TFPT: variants seen among roughly 807,000 people sequenced by gnomAD.
TFPT encodes the protein INO80 complex subunit F.
In TFPT, 27 loss-of-function variants were observed where a neutral mutation model predicts 28.8. The ratio of observed to expected loss-of-function variants is 0.94; its 90% CI spans 0.69 to 1.29. TFPT has a LOEUF of 1.29. Among genes scored for constraint, TFPT ranks in the 50% most tolerant of loss-of-function variants. TFPT has a pLI of 0.00. For missense variants in TFPT, 330 were observed against 338.0 expected, an observed-to-expected ratio of 0.98 and a Z score of 0.19; for synonymous variants, 152 against 142.8, an observed-to-expected ratio of 1.06 and a Z score of -0.46.
chr19:54,107,988 A>C lies in TFPT; in HGVS notation c.642+38T>G, dbSNP rs1335824860. ...TTACCTGCACTGGCGCCGGCTCTGG[A>C]GCCCCAGTCCCTCCCCTTGAGTTCC... On this transcript the variant is annotated intron_variant, in intron 5 of 5. Coordinates refer to ENST00000391759, the MANE Select transcript of TFPT (RefSeq NM_013342.4). 5 of 1,500,816 alleles carry C rather than the reference A, an allele frequency of 3.3e-6. No homozygotes were observed. The South Asian group carries it at 6.8e-5, about 21-fold the overall frequency. 93.0% of individuals were successfully genotyped at this position (1,500,816 alleles called of 1,614,324 possible). A position where few individuals can be genotyped will look rare whatever the true frequency, so the allele number is the denominator to read the frequency against.
chr19:54,114,342 A>G (rs1402638875), intron 2 of TFPT, 100 bp downstream of exon 2: 18 of 1,503,738 alleles, frequency 1.2e-5, no homozygotes, highest in Non-Finnish European at 1.3e-5. Flanking sequence ...TGAATATATC[A>G]GCAAGCCAAG....
At chr19:54,109,286 A>G (rs978041927) in intron 3 of TFPT, 16 of 152,666 alleles carry the variant, frequency 1.0e-4, no homozygotes, top group Non-Finnish European at 2.2e-4. Flanking sequence ...TGGGAGCCGC[A>G]GGTTTCAGCT....
intron 2 of TFPT, among the ~76,000 whole-genome samples, chr19:54,111,249 A>G (rs2073443792): frequency 6.6e-6 from 1 of 152,036 alleles, no homozygotes; most frequent in South Asian, 2.1e-4. Context: ...GGTCAGAAAG[A>G]CCTGAGTTCC....
chr19:54,108,267 AG>A, intron 4 of TFPT, 23 bp from the exon 5 acceptor site: 1 of 1,575,502 alleles, frequency 6.3e-7, no homozygotes, highest in Non-Finnish European at 8.6e-7. Context: ...AGGGGGAGGT[AG>A]GTGATGGGTG....
intron 2 of TFPT, among the ~76,000 whole-genome samples, chr19:54,114,080 G>T (rs2073537370): frequency 6.6e-6 from 1 of 152,194 alleles, no homozygotes; most frequent in African/African-American, 2.4e-5. Context: ...GAGGAGAGGA[G>T]AAGGGTCCAG....
chr19:54,111,497 T>TA (rs11304668), intron 2 of TFPT, among the ~76,000 whole-genome samples: 3,253 of 111,012 alleles, frequency 0.029, 133 homozygotes, highest in African/African-American at 0.091. Flanking sequence ...TCATCTCTAC[T>TA]AAAAAAAAAA....
intron 3 of TFPT, among the ~76,000 whole-genome samples, 180 bp downstream of exon 3, chr19:54,109,871 C>CCT (rs2073399280): frequency 5.3e-5 from 8 of 152,108 alleles, no homozygotes; most frequent in Admixed American, 6.6e-5. Flanking sequence ...GTGCTCAGCC[C>CCT]TCTCCTCCAA....
rs139440012 is a variant in TFPT, at chr19:54,113,093, C to CAAA, written c.282+1346_282+1348dup. On this transcript the variant is annotated intron_variant, in intron 2 of 5. Transcript: ENST00000391759. ...GGGAGACAAGAGCGAGACTCCACCTCAAAAAAAAAAAAAAAAAAAAAAAAA... is the reference window on the plus strand; with the variant it reads ...GGGAGACAAGAGCGAGACTCCACCTCAAAAAAAAAAAAAAAAAAAAAAAAAAAA... Among the ~76,000 whole-genome samples the CAAA allele has an allele frequency of 1.5e-4, 9 of 58,572 alleles. No homozygotes were observed. In the South Asian group the frequency reaches 2.4e-3, roughly 15 times the overall value. 38.4% of individuals were successfully genotyped at this position (58,572 alleles called of 152,430 possible). A position where few individuals can be genotyped will look rare whatever the true frequency, so the allele number is the denominator to read the frequency against.
At position 54,108,318 on chromosome 19, in the gene TFPT, A is replaced by C. The variant is rs1338594971; in HGVS notation, c.423+8T>G. 6.3e-7 allele frequency: 1 copy of C among 1,597,924 alleles called. No individual in the cohort carries two copies. The highest frequency in any genetic ancestry group is 1.1e-5 in the South Asian group (1 of 89,132). ...AGTTCCTGACCCTCCTGGAGGCCCAACACTCACCTCCAGCACAATGGTGAA... is the reference window on the plus strand; with the variant it reads ...AGTTCCTGACCCTCCTGGAGGCCCACCACTCACCTCCAGCACAATGGTGAA... On this transcript the variant is annotated splice_region_variant and intron_variant, in intron 4 of 5. Transcript: ENST00000391759.
intron 3 of TFPT, chr19:54,108,978 T>C: frequency 5.4e-6 from 1 of 185,966 alleles, no homozygotes; most frequent in Non-Finnish European, 1.1e-5. Context: ...CACCACAACC[T>C]CCACCTCCCT....
chr19:54,111,894 C>T (rs1402381112), intron 2 of TFPT, among the ~76,000 whole-genome samples: 2 of 151,962 alleles, frequency 1.3e-5, no homozygotes, highest in African/African-American at 2.4e-5. Flanking sequence ...GCAGGAGAAT[C>T]GCTTGAACCC....
chr19:54,114,815 C>A, intron 1 of TFPT, 115 bp from the exon 2 acceptor site: 1 of 1,406,174 alleles, frequency 7.1e-7, no homozygotes, highest in Non-Finnish European at 9.5e-7. Flanking sequence ...GAATCCAGGC[C>A]CCCAGCCCCT....
intron 2 of TFPT, among the ~76,000 whole-genome samples, chr19:54,112,976 C>T (rs1274509522): frequency 1.3e-5 from 2 of 151,056 alleles, no homozygotes; most frequent in Non-Finnish European, 2.9e-5. Context: ...GCCTGTAATC[C>T]CAGCTACTAG....
At chr19:54,108,806 C>T (rs1421288752) in intron 3 of TFPT, 1 of 540,758 alleles carries the variant, frequency 1.8e-6, no homozygotes, top group Non-Finnish European at 3.2e-6. Context: ...CTTATAAACA[C>T]CCCCTTCTCT....
Position 54,115,359 on chromosome 19 carries a change from G to T in TFPT, c.-90C>A. ...GTTCGCAAAACTACTTGTCCCATCA[G>T]GCTCAGCAGCCGAGGACGGCGGGAC... On this transcript the variant is annotated 5_prime_UTR_variant, in exon 1 of 6. The change creates a new upstream start codon in the 5' untranslated region. Coordinates refer to ENST00000391759, the MANE Select transcript of TFPT (RefSeq NM_013342.4). The T allele has an allele frequency of 1.3e-6, 2 of 1,592,022 alleles. No homozygotes were observed. Among genetic ancestry groups the T allele is most frequent in the Non-Finnish European group, 8.6e-7 (1 of 1,163,314 alleles).
In TFPT at chr19:54,110,053, C is replaced by T; in HGVS notation, c.351G>A (p.Arg117=). ...QRITRRLQQE[R]RFLMRVLDSY... ...AGAGGGGACAGAGAAGGGGTTACCT[C>T]CGTTCCTGCTGCAGCCTCCGAGTTA... The change falls in exon 3 of 6, where the codon CGG becomes CGA. Residue 117 remains arginine (R), a splice_region_variant and synonymous_variant. Transcript: ENST00000391759. The T allele has an allele frequency of 6.2e-7, 1 of 1,614,136 alleles. No individual in the cohort carries two copies. The highest frequency in any genetic ancestry group is 8.5e-7 in the Non-Finnish European group (1 of 1,180,022).
chr19:54,108,170 C>T lies in TFPT; in HGVS notation c.498G>A (p.Leu166=). 4 of 1,593,834 alleles carry T rather than the reference C, an allele frequency of 2.5e-6. No individual in the cohort carries two copies. Among genetic ancestry groups the T allele is most frequent in the Non-Finnish European group, 8.6e-7 (1 of 1,167,984 alleles). ...AENEPPEKET[L]SPPRRTPAPP... ...GTGCAGGAGTCCTTCTGGGCGGGGA[C>T]AGTGTCTCTTTCTCTGGAGGCTCAT... Residue 166 remains leucine, a synonymous_variant, in exon 5 of 6, where the codon CTG becomes CTA. Transcript: ENST00000391759.
intron 3 of TFPT, 40 bp downstream of exon 3, chr19:54,110,011 C>A: frequency 6.2e-7 from 1 of 1,604,674 alleles, no homozygotes; most frequent in Non-Finnish European, 8.5e-7. Flanking sequence ...CATTTGGGAG[C>A]TGAGGCTCAC....
chr19:54,110,195 CACGCACTAA>C lies in TFPT; in HGVS notation c.283-83_283-75del. The C allele has an allele frequency of 2.0e-6, 3 of 1,509,190 alleles. No individual in the cohort carries two copies. In the Admixed American group the frequency reaches 5.2e-5, roughly 26 times the overall value. 93.5% of individuals were successfully genotyped at this position (1,509,190 alleles called of 1,614,324 possible). ...TTTGTTTAACGGATGTTTAATGGGG[CACGCACTAA>C]ACTCTGGAGACTGGCCAAAGACCAT... On this transcript the variant is annotated intron_variant, in intron 2 of 5. Transcript: ENST00000391759.
Sources: allele counts gnomAD v4.1 joint callset (sites outside exome capture counted in the v4.1 genomes callset), GRCh38; gene constraint gnomAD v4.1.1; transcripts MANE v1.5; gene names NCBI Gene and HGNC (gene_info 2026-07-23, HGNC 2026-07-21).